Variants in AGBL4 observed in about 807,000 individuals in gnomAD.
AGBL4 encodes the protein AGBL carboxypeptidase 4, also known as cytosolic carboxypeptidase 6.
In AGBL4, 58 loss-of-function variants were observed where a neutral mutation model predicts 66.4. That is an observed-to-expected ratio of 0.87 (90% CI 0.71 to 1.09). AGBL4 has a LOEUF of 1.09. AGBL4 is among the 50% of genes least tolerant of loss of function. The pLI is 0.00. For missense variants in AGBL4, 579 were observed against 631.0 expected (o/e 0.92, Z 0.88); for synonymous variants, 234 against 222.9 (o/e 1.05, Z -0.44).
At chr1:48,966,765 G>A (rs1410621350) in intron 5 of AGBL4, among the ~76,000 whole-genome samples, 1 of 151,906 alleles carries the variant, frequency 6.6e-6, no homozygotes, top group South Asian at 2.1e-4. Context: ...GAAGAGGAAT[G>A]TAATCATTAC....
At chr1:48,781,656 A>C (rs761170532) in intron 6 of AGBL4, among the ~76,000 whole-genome samples, 6 of 152,248 alleles carry the variant, frequency 3.9e-5, no homozygotes, top group Non-Finnish European at 8.8e-5. Context: ...TTCTAATGCC[A>C]GGAAGCTTAC....
chr1:49,358,680 C>T (rs1468257611), intron 3 of AGBL4, among the ~76,000 whole-genome samples: 1 of 152,222 alleles, frequency 6.6e-6, no homozygotes, highest in South Asian at 2.1e-4. Context: ...TATACATAAG[C>T]AAGAACTGGT....
intron 5 of AGBL4, among the ~76,000 whole-genome samples, chr1:48,931,118 A>G (rs1162663042): frequency 6.6e-6 from 1 of 152,250 alleles, no homozygotes; most frequent in African/African-American, 2.4e-5. Flanking sequence ...TATTTCTCCA[A>G]ATGGTTGCAT....
intron 3 of AGBL4, among the ~76,000 whole-genome samples, chr1:49,397,612 G>C (rs1644999940): frequency 1.3e-5 from 2 of 152,122 alleles, no homozygotes; most frequent in African/African-American, 4.8e-5. Context: ...AAACAAAGGG[G>C]CTAAAATGAC....
intron 6 of AGBL4, among the ~76,000 whole-genome samples, chr1:48,687,194 C>T (rs562882964): frequency 1.3e-5 from 2 of 152,024 alleles, no homozygotes; most frequent in East Asian, 1.9e-4. Flanking sequence ...TGAGAGACAG[C>T]GCCGCAGGCA....
intron 6 of AGBL4, among the ~76,000 whole-genome samples, chr1:48,810,786 G>C (rs1269348562): frequency 6.6e-6 from 1 of 152,270 alleles, no homozygotes; most frequent in African/African-American, 2.4e-5. Flanking sequence ...GCAGGGATGT[G>C]GTCTTCTCAT....
intron 3 of AGBL4, among the ~76,000 whole-genome samples, chr1:49,542,831 G>A (rs1652158461): frequency 1.4e-5 from 2 of 146,552 alleles, no homozygotes; most frequent in South Asian, 4.4e-4. Context: ...CCTGGTAGGT[G>A]GAGCCTGCAG....
chr1:49,442,447 C>G (rs1009540849), intron 3 of AGBL4, among the ~76,000 whole-genome samples: 1 of 152,150 alleles, frequency 6.6e-6, no homozygotes, highest in African/African-American at 2.4e-5. Flanking sequence ...ATGTATCTTT[C>G]CATTCTATCT....
chr1:49,692,334 C>T (rs755260020), intron 3 of AGBL4, among the ~76,000 whole-genome samples: 13 of 151,988 alleles, frequency 8.6e-5, no homozygotes, highest in Non-Finnish European at 1.6e-4. Flanking sequence ...GTGCTAATTC[C>T]ACTGTGATAT....
intron 3 of AGBL4, among the ~76,000 whole-genome samples, chr1:49,579,654 C>T (rs911054622): frequency 3.9e-5 from 6 of 152,076 alleles, no homozygotes; most frequent in Admixed American, 6.6e-5. Context: ...CGCCTGTCAC[C>T]GTGCCCAGCT....
At chr1:49,098,305 G>A (rs1645143116) in intron 4 of AGBL4, among the ~76,000 whole-genome samples, 1 of 152,238 alleles carries the variant, frequency 6.6e-6, no homozygotes, top group African/African-American at 2.4e-5. Flanking sequence ...ATTTCACTTA[G>A]GAATGCATAT....
At chr1:48,982,599 CATT>C (rs1380794747) in intron 5 of AGBL4, among the ~76,000 whole-genome samples, 2 of 152,072 alleles carry the variant, frequency 1.3e-5, no homozygotes, top group Non-Finnish European at 2.9e-5. Flanking sequence ...TCCAGTCTAT[CATT>C]GTTGGACATT....
chr1:49,387,734 G>T (rs1383010411), intron 3 of AGBL4, among the ~76,000 whole-genome samples: 1 of 151,922 alleles, frequency 6.6e-6, no homozygotes, highest in Non-Finnish European at 1.5e-5. Flanking sequence ...TTCTGATATT[G>T]ATGCATTTAT....
chr1:48,605,640 T>G (rs1269607283), intron 9 of AGBL4, among the ~76,000 whole-genome samples: 1 of 152,226 alleles, frequency 6.6e-6, no homozygotes, highest in African/African-American at 2.4e-5. Context: ...GAAATCACAT[T>G]GTCTTCATTT....
chr1:49,463,346 A>C lies in AGBL4; in HGVS notation c.283-217482T>G, dbSNP rs566426926. ...TTATGCAAGTTATCCAGGAATAATT[A>C]TCAATAGTACTCTTCCACTTAAAAA... On this transcript the variant is annotated intron_variant, in intron 3 of 13. Transcript: ENST00000371839. Among the ~76,000 whole-genome samples, 16 of 151,802 alleles carry C rather than the reference A, an allele frequency of 1.1e-4. No individual in the cohort carries two copies. In the East Asian group the frequency reaches 2.9e-3, roughly 28 times the overall value.
intron 4 of AGBL4, among the ~76,000 whole-genome samples, chr1:49,069,871 A>G (rs1644565985): frequency 6.6e-6 from 1 of 151,924 alleles, no homozygotes; most frequent in Non-Finnish European, 1.5e-5. Context: ...TAAGCATGGA[A>G]TGTTCTTCCA....
intron 2 of AGBL4, among the ~76,000 whole-genome samples, chr1:49,766,009 C>T (rs1166309317): frequency 6.6e-6 from 1 of 152,142 alleles, no homozygotes; most frequent in Non-Finnish European, 1.5e-5. Context: ...ACTTGGAAAA[C>T]ATATTTCAGA....
At chr1:49,396,198 C>A (rs1644970804) in intron 3 of AGBL4, among the ~76,000 whole-genome samples, 1 of 152,012 alleles carries the variant, frequency 6.6e-6, no homozygotes, top group South Asian at 2.1e-4. Flanking sequence ...ACTATTGATA[C>A]ACAAAGCATC....
intron 6 of AGBL4, chr1:48,776,637 C>A: frequency 6.8e-7 from 1 of 1,480,710 alleles, no homozygotes; most frequent in Non-Finnish European, 8.9e-7. Flanking sequence ...CCTTGTGGAG[C>A]AACAGCGCGC....
Sources: gnomAD v4.1 joint callset for allele counts (sites outside exome capture counted in the v4.1 genomes callset) on GRCh38, gnomAD v4.1.1 for gene constraint, MANE v1.5 for transcripts, NCBI Gene and HGNC (gene_info 2026-07-23, HGNC 2026-07-21) for gene names.